The following DYNC1I1 variants were observed in gnomAD, a reference collection of about 807,000 sequenced individuals.
DYNC1I1 encodes dynein cytoplasmic 1 intermediate chain 1.
Under a neutral mutation model 86.6 loss-of-function variants are expected in DYNC1I1, and 43 were observed. The ratio of observed to expected loss-of-function variants is 0.50; its 90% CI spans 0.39 to 0.64. The LOEUF is 0.64. Among genes scored for constraint, DYNC1I1 ranks in the 30% least tolerant of loss-of-function variants. The pLI is 0.00. For synonymous variants in DYNC1I1, 262 were observed against 283.7 expected (o/e 0.92, Z 0.77); for missense variants, 604 against 788.8 (o/e 0.77, Z 2.81).
At chr7:96,043,925 G>A (rs1584273685) in intron 14 of DYNC1I1, among the ~76,000 whole-genome samples, 5 of 152,108 alleles carry the variant, frequency 3.3e-5, no homozygotes, top group Non-Finnish European at 7.4e-5. Context: ...GGCCAGGCTG[G>A]TCTCGAACTC....
chr7:96,108,205 ATTTTCT>A (rs1462763929), intron 16 of DYNC1I1, among the ~76,000 whole-genome samples: 9 of 151,856 alleles, frequency 5.9e-5, no homozygotes, highest in Non-Finnish European at 1.3e-4. Context: ...AATAATCATG[ATTTTCT>A]TTTTAATTAG....
chr7:96,073,724 A>G (rs886212719), intron 14 of DYNC1I1, among the ~76,000 whole-genome samples: 8 of 152,186 alleles, frequency 5.3e-5, no homozygotes, highest in African/African-American at 1.7e-4. Context: ...AAAATTTGTT[A>G]TTCGTGTTCT....
intron 5 of DYNC1I1, among the ~76,000 whole-genome samples, chr7:95,849,811 TATGGGC>T (rs1308720834): frequency 6.6e-6 from 1 of 152,194 alleles, no homozygotes; most frequent in East Asian, 1.9e-4. Context: ...CTTTGAGTAA[TATGGGC>T]ATTTTGACAA....
At chr7:95,843,881 TA>T (rs1217707560) in intron 5 of DYNC1I1, among the ~76,000 whole-genome samples, 1 of 152,072 alleles carries the variant, frequency 6.6e-6, no homozygotes, top group Non-Finnish European at 1.5e-5. Context: ...AATAACAGGA[TA>T]AAAAGAGTAA....
At chr7:95,949,873 A>G (rs989696678) in intron 6 of DYNC1I1, among the ~76,000 whole-genome samples, 15 of 152,226 alleles carry the variant, frequency 9.9e-5, no homozygotes, top group Admixed American at 5.9e-4. Context: ...GAGGTCTTCC[A>G]GAAAGCCACA....
intron 16 of DYNC1I1, among the ~76,000 whole-genome samples, chr7:96,092,075 C>G (rs10232602): frequency 0.19 from 28,230 of 152,012 alleles, 2,761 homozygotes; most frequent in Middle Eastern, 0.26. Context: ...AGAACTCTTT[C>G]CCTGTCCCCC....
intron 5 of DYNC1I1, among the ~76,000 whole-genome samples, chr7:95,845,129 G>T (rs1425025967): frequency 6.6e-6 from 1 of 152,134 alleles, no homozygotes; most frequent in Non-Finnish European, 1.5e-5. Context: ...TTGCAAAGGT[G>T]GTTTCACTAG....
At chr7:95,791,064 T>G (rs1794288782) in intron 1 of DYNC1I1, among the ~76,000 whole-genome samples, 2 of 152,236 alleles carry the variant, frequency 1.3e-5, no homozygotes, top group South Asian at 4.1e-4. Context: ...TAAATTGATT[T>G]TTTGTGAGCA....
chr7:95,986,563 C>T (rs1404322479), intron 8 of DYNC1I1, among the ~76,000 whole-genome samples: 1 of 152,174 alleles, frequency 6.6e-6, no homozygotes. Context: ...GAAATTATCA[C>T]TTACTATTGA....
chr7:95,777,400 G>T (rs1793870130), intron 1 of DYNC1I1, among the ~76,000 whole-genome samples: 1 of 152,104 alleles, frequency 6.6e-6, no homozygotes, highest in Non-Finnish European at 1.5e-5. Flanking sequence ...TTACTTTAAG[G>T]CTGTTCTGTC....
At position 95,917,760 on chromosome 7, in the gene DYNC1I1, G is replaced by T. The variant is rs1791506709; in HGVS notation, c.490+47762G>T. ...CATGTGGTTTTTCTTCACCTTGTGG[G>T]CACTGGGCACTCGCCGTCCTTCATA... On this transcript the variant is annotated intron_variant, in intron 6 of 16. Transcript: ENST00000447467. Among the ~76,000 whole-genome samples the T allele has an allele frequency of 2.6e-5, 4 of 152,204 alleles. No homozygotes were observed. In the South Asian group the frequency reaches 8.3e-4, roughly 32 times the overall value.
At chr7:95,895,919 G>A (rs1427449369) in intron 6 of DYNC1I1, among the ~76,000 whole-genome samples, 7 of 152,214 alleles carry the variant, frequency 4.6e-5, no homozygotes, top group Non-Finnish European at 8.8e-5. Flanking sequence ...TAGCCCTGAT[G>A]ATGGACCCTC....
chr7:95,849,338 A>G (rs946231114), intron 5 of DYNC1I1, among the ~76,000 whole-genome samples: 1 of 152,046 alleles, frequency 6.6e-6, no homozygotes, highest in South Asian at 2.1e-4. Flanking sequence ...GTTTTCTTAT[A>G]GTAGTTTCAT....
intron 6 of DYNC1I1, among the ~76,000 whole-genome samples, chr7:95,940,669 C>A (rs1008342484): frequency 3.9e-5 from 6 of 152,228 alleles, no homozygotes; most frequent in African/African-American, 1.2e-4. Context: ...AAGCACTTCT[C>A]TGTATTGGTT....
chr7:96,040,641 T>C (rs1038098612), intron 14 of DYNC1I1, among the ~76,000 whole-genome samples: 1 of 151,960 alleles, frequency 6.6e-6, no homozygotes, highest in African/African-American at 2.4e-5. Flanking sequence ...CAGTTTGATA[T>C]GTGAGTCAGA....
At chr7:95,983,076 A>C (rs1793495173) in intron 7 of DYNC1I1, among the ~76,000 whole-genome samples, 1 of 152,186 alleles carries the variant, frequency 6.6e-6, no homozygotes, top group South Asian at 2.1e-4. Flanking sequence ...AGCATATGGC[A>C]GGGTGCTTGA....
At chr7:95,942,563 C>T (rs1792260568) in intron 6 of DYNC1I1, among the ~76,000 whole-genome samples, 1 of 152,056 alleles carries the variant, frequency 6.6e-6, no homozygotes, top group South Asian at 2.1e-4. Context: ...GGCAGAGACA[C>T]AAACAAAAAA....
chr7:95,858,187 T>G (rs1298391617), intron 5 of DYNC1I1, among the ~76,000 whole-genome samples: 2 of 152,250 alleles, frequency 1.3e-5, no homozygotes, highest in Non-Finnish European at 2.9e-5. Flanking sequence ...TAGTCATAAC[T>G]GATTTTCCAC....
At chr7:95,872,231 G>A (rs1047475467) in intron 6 of DYNC1I1, among the ~76,000 whole-genome samples, 3 of 152,188 alleles carry the variant, frequency 2.0e-5, no homozygotes, top group African/African-American at 4.8e-5. Flanking sequence ...TGAAAACTGC[G>A]CCTTTCAGCG....
Sources: gnomAD v4.1 joint callset for allele counts (sites outside exome capture counted in the v4.1 genomes callset) on GRCh38, gnomAD v4.1.1 for gene constraint, MANE v1.5 for transcripts, NCBI Gene and HGNC (gene_info 2026-07-23, HGNC 2026-07-21) for gene names.